The following CSMD1 variants were observed in gnomAD, a reference collection of about 807,000 sequenced individuals.
CSMD1 encodes CUB and sushi domain-containing protein 1.
In CSMD1, 213 loss-of-function variants were observed where a neutral mutation model predicts 417.5. That is an observed-to-expected ratio of 0.51 (90% CI 0.46 to 0.57). The LOEUF is 0.57. Ranked by LOEUF, CSMD1 falls within the 20% of genes least tolerant of loss-of-function variation. The probability of loss-of-function intolerance (pLI) is 0.00; values close to 1 mark genes in which losing one functional copy is unlikely to be tolerated. For synonymous variants in CSMD1, 2,862 were observed against 1,736.8 expected (o/e 1.65, Z -16.11); for missense variants, 6,923 against 4,529.7 (o/e 1.53, Z -15.17).
At chr8:4,773,290 C>A (rs1796685870) in intron 1 of CSMD1, among the ~76,000 whole-genome samples, 1 of 152,198 alleles carries the variant, frequency 6.6e-6, no homozygotes, top group Non-Finnish European at 1.5e-5. Flanking sequence ...CTACACCAAG[C>A]TAGCAGTTTG....
intron 5 of CSMD1, among the ~76,000 whole-genome samples, chr8:3,768,744 G>A (rs1798417778): frequency 1.3e-5 from 2 of 152,314 alleles, no homozygotes; most frequent in East Asian, 1.9e-4. Context: ...CCAAACGGAT[G>A]TATCCCACAT....
At chr8:4,315,527 T>A (rs1465650186) in intron 3 of CSMD1, among the ~76,000 whole-genome samples, 1 of 152,150 alleles carries the variant, frequency 6.6e-6, no homozygotes, top group Non-Finnish European at 1.5e-5. Context: ...AAAATTAGAT[T>A]TCTAGAAATT....
At chr8:3,496,545 T>A (rs2117318481) in intron 10 of CSMD1, among the ~76,000 whole-genome samples, 2 of 152,244 alleles carry the variant, frequency 1.3e-5, no homozygotes, top group Middle Eastern at 6.8e-3. Context: ...ATCTCATAGG[T>A]TTTGGTATGT....
chr8:3,033,196 T>A (rs1810459708), intron 50 of CSMD1, among the ~76,000 whole-genome samples: 1 of 152,124 alleles, frequency 6.6e-6, no homozygotes, highest in Admixed American at 6.6e-5. Flanking sequence ...AAATTTCCTG[T>A]GACCACACAT....
chr8:3,598,700 C>T (rs1801210462), intron 8 of CSMD1, among the ~76,000 whole-genome samples: 1 of 152,170 alleles, frequency 6.6e-6, no homozygotes, highest in African/African-American at 2.4e-5. Flanking sequence ...GCCTTGGATG[C>T]TAAAAACCTC....
At chr8:4,115,637 T>A (rs1308752687) in intron 3 of CSMD1, among the ~76,000 whole-genome samples, 1 of 152,182 alleles carries the variant, frequency 6.6e-6, no homozygotes, top group East Asian at 1.9e-4. Flanking sequence ...CTTACCTGAA[T>A]GTTTATATGT....
At position 2,980,594 on chromosome 8, in the gene CSMD1, C is replaced by CAGGCAGAGA. The variant is rs1408404438; in HGVS notation, c.8378-1795_8378-1794insTCTCTGCCT. ...GTGCAGTAACAACAGGATCCAGTCA[C>CAGGCAGAGA]ACCCTTCTCCTTGCAGGCAGAGAAC... On this transcript the variant is annotated intron_variant, in intron 54 of 69. Coordinates refer to ENST00000635120, the MANE Select transcript of CSMD1 (RefSeq NM_033225.6). 5.0e-3 allele frequency among the ~76,000 whole-genome samples: 765 copies of CAGGCAGAGA among 152,300 alleles called. 6 individuals are homozygous for CAGGCAGAGA. The highest frequency in any genetic ancestry group is 0.018 in the African/African-American group (731 of 41,546).
chr8:3,179,579 A>C (rs1299359278), intron 37 of CSMD1, among the ~76,000 whole-genome samples: 1 of 152,198 alleles, frequency 6.6e-6, no homozygotes, highest in East Asian at 1.9e-4. Flanking sequence ...ACTGTATATA[A>C]TAATAAGCAT....
In CSMD1 at chr8:3,709,680, G is replaced by GTTTTTTTTTTTTTTTTTTT. The variant is rs56272726; in HGVS notation, c.932-1208_932-1190dup. ...GATGGGCTTTAAATTGCAGCAGCAT[G>GTTTTTTTTTTTTTTTTTTT]TTTTTTTTTTTTTTTTTTTTTTTTT... On this transcript the variant is annotated intron_variant, in intron 6 of 69. Transcript: ENST00000635120. 6.0e-3 allele frequency among the ~76,000 whole-genome samples: 202 copies of GTTTTTTTTTTTTTTTTTTT among 33,648 alleles called. 44 individuals carry two copies. Among genetic ancestry groups the GTTTTTTTTTTTTTTTTTTT allele is most frequent in the East Asian group, 0.013 (9 of 676 alleles). The allele number at this position is 33,648 out of a possible 152,430, so 22.1% of individuals were successfully genotyped here. A position where few individuals can be genotyped will look rare whatever the true frequency, so the allele number is the denominator to read the frequency against.
At chr8:4,816,383 G>T (rs1393463901) in intron 1 of CSMD1, among the ~76,000 whole-genome samples, 1 of 151,894 alleles carries the variant, frequency 6.6e-6, no homozygotes. Flanking sequence ...GCGGGAGATG[G>T]GGGGCTGGGG....
chr8:3,809,812 T>C (rs990012252), intron 5 of CSMD1, among the ~76,000 whole-genome samples: 7 of 152,072 alleles, frequency 4.6e-5, no homozygotes, highest in Non-Finnish European at 8.8e-5. Flanking sequence ...AAATGCACTG[T>C]TCACATACTG....
chr8:3,506,146 A>T (rs1332458939), intron 10 of CSMD1, among the ~76,000 whole-genome samples: 3 of 152,104 alleles, frequency 2.0e-5, no homozygotes, highest in Non-Finnish European at 4.4e-5. Context: ...CAGCAGAGGA[A>T]GTGCCAGGGA....
chr8:3,924,978 G>A (rs1377798628), intron 5 of CSMD1, among the ~76,000 whole-genome samples: 3 of 152,068 alleles, frequency 2.0e-5, no homozygotes, highest in Non-Finnish European at 4.4e-5. Context: ...ATTTGAAGCA[G>A]TATTTCTTTA....
intron 5 of CSMD1, among the ~76,000 whole-genome samples, chr8:3,955,751 T>C (rs1263790788): frequency 6.6e-6 from 1 of 152,016 alleles, no homozygotes; most frequent in African/African-American, 2.4e-5. Context: ...AAAAACAGGG[T>C]CAAATACATA....
chr8:3,767,829 G>A (rs1007388364), intron 5 of CSMD1, among the ~76,000 whole-genome samples: 3 of 152,116 alleles, frequency 2.0e-5, no homozygotes, highest in African/African-American at 7.2e-5. Flanking sequence ...CAGCCTTGCG[G>A]GTGGAAATGC....
intron 1 of CSMD1, among the ~76,000 whole-genome samples, chr8:4,948,708 A>G (rs1563843132): frequency 6.6e-6 from 1 of 151,984 alleles, no homozygotes; most frequent in Non-Finnish European, 1.5e-5. Flanking sequence ...AATCTTTTGA[A>G]TTTTCTATGT....
intron 2 of CSMD1, among the ~76,000 whole-genome samples, chr8:4,614,927 C>G (rs1465505215): frequency 6.6e-6 from 1 of 152,034 alleles, no homozygotes; most frequent in Non-Finnish European, 1.5e-5. Context: ...AGATAATTTT[C>G]AAATATGTTA....
At chr8:3,588,590 A>G (rs1395728088) in intron 8 of CSMD1, among the ~76,000 whole-genome samples, 2 of 152,136 alleles carry the variant, frequency 1.3e-5, no homozygotes, top group Admixed American at 6.5e-5. Context: ...TAACACCTCT[A>G]TCTTTTTCAT....
intron 3 of CSMD1, among the ~76,000 whole-genome samples, chr8:4,343,861 C>T (rs1487240062): frequency 1.3e-5 from 2 of 152,142 alleles, no homozygotes; most frequent in Non-Finnish European, 2.9e-5. Flanking sequence ...TCTCCTGTAG[C>T]ATATGGCCCT....
Sources: gnomAD v4.1 joint callset for allele counts (sites outside exome capture counted in the v4.1 genomes callset) on GRCh38, gnomAD v4.1.1 for gene constraint, MANE v1.5 for transcripts, NCBI Gene and HGNC (gene_info 2026-07-23, HGNC 2026-07-21) for gene names.